FBXL17: variants seen among roughly 807,000 people sequenced by gnomAD.
FBXL17 encodes the protein F-box/LRR-repeat protein 17.
FBXL17 carries 22 observed loss-of-function variants against 66.2 expected under a neutral mutation model. The ratio of observed to expected loss-of-function variants is 0.33; its 90% confidence interval spans 0.24 to 0.47. The LOEUF (loss-of-function observed/expected upper bound fraction) is 0.47. FBXL17 is among the 20% of genes least tolerant of loss of function. FBXL17 has a pLI of 1.00. For synonymous variants in FBXL17, 474 were observed against 400.5 expected, an observed-to-expected ratio of 1.18 and a Z score of -2.19; for missense variants, 878 against 948.2, an observed-to-expected ratio of 0.93 and a Z score of 0.97.
intron 7 of FBXL17, among the ~76,000 whole-genome samples, chr5:107,914,671 T>G (rs1366362569): frequency 1.3e-5 from 2 of 152,202 alleles, no homozygotes; most frequent in African/African-American, 4.8e-5. Context: ...TTGCTGGGAA[T>G]GCTCAGAGGA....
At chr5:108,051,881 C>T (rs192492865) in intron 6 of FBXL17, among the ~76,000 whole-genome samples, 1 of 151,984 alleles carries the variant, frequency 6.6e-6, no homozygotes, top group East Asian at 1.9e-4. Context: ...GAGGCTGAGG[C>T]GGGCGGATCA....
intron 7 of FBXL17, among the ~76,000 whole-genome samples, chr5:108,010,633 G>A (rs959976210): frequency 6.6e-6 from 1 of 152,142 alleles, no homozygotes; most frequent in African/African-American, 2.4e-5. Flanking sequence ...TAGAAAAATG[G>A]ATTATCCCAT....
chr5:108,272,042 G>A (rs1757292732), intron 4 of FBXL17, among the ~76,000 whole-genome samples: 1 of 152,196 alleles, frequency 6.6e-6, no homozygotes, highest in African/African-American at 2.4e-5. Context: ...TGTAATCCCA[G>A]CACTTTGGGA....
intron 4 of FBXL17, among the ~76,000 whole-genome samples, chr5:108,319,105 C>A (rs538341206): frequency 1.3e-5 from 2 of 151,828 alleles, no homozygotes; most frequent in South Asian, 4.1e-4. Context: ...CAGGCAATGA[C>A]AACAAAATTA....
chr5:108,193,972 C>T (rs1420250136), intron 5 of FBXL17, among the ~76,000 whole-genome samples: 1 of 152,082 alleles, frequency 6.6e-6, no homozygotes, highest in Non-Finnish European at 1.5e-5. Flanking sequence ...GCCCGCTTCT[C>T]CTCAAAGCTG....
At chr5:108,085,066 G>C (rs1240117547) in intron 6 of FBXL17, among the ~76,000 whole-genome samples, 1 of 152,086 alleles carries the variant, frequency 6.6e-6, no homozygotes, top group Non-Finnish European at 1.5e-5. Flanking sequence ...TTCACCCAGA[G>C]GTGAACCAGA....
intron 6 of FBXL17, among the ~76,000 whole-genome samples, chr5:108,156,162 C>T (rs547937175): frequency 6.6e-6 from 1 of 152,134 alleles, no homozygotes; most frequent in Admixed American, 6.5e-5. Context: ...CTCATGATTT[C>T]TATTACAATA....
intron 7 of FBXL17, among the ~76,000 whole-genome samples, chr5:107,977,800 G>C (rs1238816255): frequency 6.6e-6 from 1 of 152,128 alleles, no homozygotes; most frequent in Non-Finnish European, 1.5e-5. Context: ...TTTGTTCTTT[G>C]AATAAACATA....
At chr5:108,262,808 T>C (rs1254028312) in intron 4 of FBXL17, among the ~76,000 whole-genome samples, 2 of 152,212 alleles carry the variant, frequency 1.3e-5, no homozygotes, top group African/African-American at 4.8e-5. Flanking sequence ...TGTTCTGGAA[T>C]GTAAACTTAG....
chr5:108,327,869 A>G (rs1759930713), intron 4 of FBXL17, among the ~76,000 whole-genome samples: 1 of 152,154 alleles, frequency 6.6e-6, no homozygotes, highest in African/African-American at 2.4e-5. Flanking sequence ...ACATTTGTGA[A>G]CAACTATTTC....
intron 6 of FBXL17, among the ~76,000 whole-genome samples, chr5:108,143,312 G>A (rs968390469): frequency 3.3e-5 from 5 of 151,118 alleles, no homozygotes; most frequent in African/African-American, 1.2e-4. Context: ...AATGAACATA[G>A]ACAATTAACA....
chr5:108,301,574 AGTT>A (rs1758589822), intron 4 of FBXL17, among the ~76,000 whole-genome samples: 1 of 151,840 alleles, frequency 6.6e-6, no homozygotes, highest in Non-Finnish European at 1.5e-5. Flanking sequence ...CTTCTAGGGC[AGTT>A]GTTTGTTTTA....
intron 4 of FBXL17, among the ~76,000 whole-genome samples, chr5:108,259,941 ACT>A (rs770140049): frequency 1.3e-4 from 20 of 151,680 alleles, no homozygotes; most frequent in Non-Finnish European, 2.5e-4. Context: ...AGGATGGTAA[ACT>A]CTGTCCACTA....
chr5:108,095,353 C>T (rs1749328327), intron 6 of FBXL17, among the ~76,000 whole-genome samples: 1 of 151,896 alleles, frequency 6.6e-6, no homozygotes, highest in Non-Finnish European at 1.5e-5. Flanking sequence ...TTTATTTAAC[C>T]TTTACCATAC....
chr5:107,867,007 C>A (rs1160323018), intron 8 of FBXL17, among the ~76,000 whole-genome samples: 2 of 152,030 alleles, frequency 1.3e-5, no homozygotes, highest in Admixed American at 6.5e-5. Flanking sequence ...TGGCTAAATT[C>A]ATATAGGGAT....
intron 7 of FBXL17, among the ~76,000 whole-genome samples, chr5:107,949,305 A>C (rs997570412): frequency 1.3e-5 from 2 of 152,208 alleles, no homozygotes; most frequent in African/African-American, 2.4e-5. Context: ...CCATATCTTA[A>C]CAGGGACATT....
intron 6 of FBXL17, among the ~76,000 whole-genome samples, chr5:108,137,222 C>T (rs573769858): frequency 9.9e-5 from 15 of 152,190 alleles, no homozygotes; most frequent in African/African-American, 3.4e-4. Flanking sequence ...TCAGTGTAAT[C>T]TCTTGTAAGT....
At chr5:107,908,757 G>A (rs1383465109) in intron 7 of FBXL17, among the ~76,000 whole-genome samples, 2 of 152,158 alleles carry the variant, frequency 1.3e-5, no homozygotes, top group South Asian at 2.1e-4. Flanking sequence ...GAGCATATGA[G>A]GGAGCCTTTA....
intron 1 of FBXL17, among the ~76,000 whole-genome samples, 159 bp from the exon 2 acceptor site, chr5:108,368,112 GA>G (rs1748789811): frequency 6.6e-6 from 1 of 152,050 alleles, no homozygotes; most frequent in Admixed American, 6.6e-5. Context: ...ACCTTAAAGA[GA>G]AACTATGATA....
Sources: gnomAD v4.1 joint callset for allele counts (sites outside exome capture counted in the v4.1 genomes callset) on GRCh38, gnomAD v4.1.1 for gene constraint, MANE v1.5 for transcripts, NCBI Gene and HGNC (gene_info 2026-07-23, HGNC 2026-07-21) for gene names.